The following USP44 variants were observed in gnomAD, a reference collection of about 807,000 sequenced individuals.
The protein encoded by USP44 is ubiquitin carboxyl-terminal hydrolase 44.
In USP44, 61 loss-of-function variants were observed where a neutral mutation model predicts 69.0. The ratio of observed to expected loss-of-function variants is 0.88; its 90% CI spans 0.72 to 1.09. The LOEUF is 1.09. USP44 is among the 50% of genes least tolerant of loss of function. The probability of loss-of-function intolerance (pLI) is 0.00; values close to 1 mark genes in which losing one functional copy is unlikely to be tolerated. For synonymous variants in USP44, 297 were observed against 295.4 expected (o/e 1.01, Z -0.06); for missense variants, 753 against 849.9 (o/e 0.89, Z 1.42).
At chr12:95,530,691 A>ATAGG (rs2076991590) in intron 2 of USP44, among the ~76,000 whole-genome samples, 1 of 150,982 alleles carries the variant, frequency 6.6e-6, no homozygotes, top group African/African-American at 2.4e-5. Flanking sequence ...AGATAGATAG[A>ATAGG]TATAAAAGAA....
At chr12:95,543,966 C>CAAAAAAAAAAAAAAAAAA (rs760105964) in intron 1 of USP44, among the ~76,000 whole-genome samples, 1 of 47,682 alleles carries the variant, frequency 2.1e-5, no homozygotes, top group Non-Finnish European at 3.8e-5. Context: ...GACTGCATCT[C>CAAAAAAAAAAAAAAAAAA]AAAAAAAAAA....
chr12:95,529,326 A>G (rs541733381), intron 2 of USP44, among the ~76,000 whole-genome samples: 2 of 152,214 alleles, frequency 1.3e-5, no homozygotes, highest in South Asian at 2.1e-4. Context: ...ATATATACAT[A>G]TATCTATGTA....
intron 3 of USP44, among the ~76,000 whole-genome samples, chr12:95,525,260 C>CG (rs1486280955): frequency 6.6e-6 from 1 of 151,978 alleles, no homozygotes; most frequent in Non-Finnish European, 1.5e-5. Flanking sequence ...TTAGTAGAGA[C>CG]GGGGTTTCAC....
intron 2 of USP44, among the ~76,000 whole-genome samples, chr12:95,529,900 C>A (rs1170699688): frequency 6.6e-6 from 1 of 152,168 alleles, no homozygotes; most frequent in Non-Finnish European, 1.5e-5. Context: ...TGTCATACTC[C>A]TACTTAAAGC....
intron 4 of USP44, among the ~76,000 whole-genome samples, chr12:95,523,846 G>A (rs1342861023): frequency 1.3e-5 from 2 of 152,000 alleles, no homozygotes; most frequent in Non-Finnish European, 2.9e-5. Context: ...ATTCTGCTGG[G>A]CACGGTGGCT....
chr12:95,539,521 C>T (rs757113568), intron 1 of USP44, among the ~76,000 whole-genome samples: 5 of 152,092 alleles, frequency 3.3e-5, no homozygotes, highest in African/African-American at 4.8e-5. Flanking sequence ...TCACCGCGCC[C>T]GGCCCAATGA....
At chr12:95,530,716 A>G (rs2076992954) in intron 2 of USP44, among the ~76,000 whole-genome samples, 1 of 152,192 alleles carries the variant, frequency 6.6e-6, no homozygotes, top group East Asian at 1.9e-4. Context: ...ACTTTCTGGA[A>G]AGAACTTTGT....
At chr12:95,551,148 A>T (rs1455014765) in intron 1 of USP44, 124 bp downstream of exon 1, 1 of 151,848 alleles carries the variant, frequency 6.6e-6, no homozygotes, top group South Asian at 2.1e-4. Flanking sequence ...CTTCTCCTTA[A>T]ATTTTCCTAT....
chr12:95,518,482 A>G (rs1412487392), intron 5 of USP44, 129 bp from the exon 6 acceptor site: 1 of 925,054 alleles, frequency 1.1e-6, no homozygotes, highest in Non-Finnish European at 1.6e-6. Flanking sequence ...TTAATGAGAA[A>G]TATAGATTGG....
At chr12:95,550,183 G>GA (rs570350053) in intron 1 of USP44, among the ~76,000 whole-genome samples, 3,371 of 93,250 alleles carry the variant, frequency 0.036, 71 homozygotes, top group South Asian at 0.095. Flanking sequence ...CTCCGTCTCA[G>GA]AAAAAAAAAA....
intron 1 of USP44, among the ~76,000 whole-genome samples, chr12:95,547,495 T>C (rs1175237664): frequency 6.6e-6 from 1 of 152,258 alleles, no homozygotes; most frequent in Non-Finnish European, 1.5e-5. Flanking sequence ...TTCAACTGAA[T>C]ATTGAATCTC....
At chr12:95,534,801 G>T (rs1226095404) in intron 1 of USP44, among the ~76,000 whole-genome samples, 1 of 151,540 alleles carries the variant, frequency 6.6e-6, no homozygotes, top group African/African-American at 2.4e-5. Context: ...TCAGCCTCCC[G>T]GGTAGCTGGG....
intron 4 of USP44, among the ~76,000 whole-genome samples, chr12:95,523,125 CAT>C (rs1486498527): frequency 1.3e-5 from 2 of 152,200 alleles, no homozygotes; most frequent in Non-Finnish European, 2.9e-5. Context: ...ATGCCCTACA[CAT>C]GACTTCCATC....
chr12:95,520,933 G>A lies in USP44; in HGVS notation c.1939+64C>T, dbSNP rs7139231. 7.0e-4 allele frequency: 1,020 copies of A among 1,466,086 alleles called. 3 individuals carry two copies. The African/African-American group carries it at 0.012, about 17-fold the overall frequency. The allele number at this position is 1,466,086 out of a possible 1,614,324, so 90.8% of individuals were successfully genotyped here. A position where few individuals can be genotyped will look rare whatever the true frequency, so the allele number is the denominator to read the frequency against. Reference sequence around the variant, plus strand: ...TGATTTAGTAGTCAATTTAGAAATCGGTTAAAGCCTGAACTCCAGCCTCCA... The same window carrying A: ...TGATTTAGTAGTCAATTTAGAAATCAGTTAAAGCCTGAACTCCAGCCTCCA... On this transcript the variant is annotated intron_variant, in intron 5 of 5. Transcript: ENST00000258499.
Position 95,533,798 on chromosome 12 carries a change from C to T in USP44, c.459G>A (p.Arg153=). The part of the protein sequence containing the change: ...EDQLYTALWH[R]RRILMGKIFR... Reference sequence around the variant, plus strand: ...AGATTTTACCCATTAGTATCCTTCTCCTGTGCCAAAGAGCAGTATACAGTT... The same window carrying T: ...AGATTTTACCCATTAGTATCCTTCTTCTGTGCCAAAGAGCAGTATACAGTT... The change falls in exon 2 of 6, where the codon AGG becomes AGA. Residue 153 remains arginine, a synonymous_variant. Transcript: ENST00000258499. The T allele has an allele frequency of 6.2e-7, 1 of 1,614,148 alleles. No individual in the cohort carries two copies. Among genetic ancestry groups the T allele is most frequent in the South Asian group, 1.1e-5 (1 of 91,084 alleles).
intron 1 of USP44, among the ~76,000 whole-genome samples, chr12:95,551,047 T>C (rs548978339): frequency 2.4e-4 from 37 of 152,308 alleles, no homozygotes; most frequent in African/African-American, 7.9e-4. Flanking sequence ...CTTCACTATC[T>C]AGGCCTAAAT....
rs1412473792 is a variant in USP44 at position 95,517,703 on chromosome 12, A to G, written c.*451T>C. 6.4e-6 allele frequency: 1 copy of G among 155,852 alleles called. No homozygotes were observed. Among genetic ancestry groups the G allele is most frequent in the Non-Finnish European group, 1.4e-5 (1 of 70,180 alleles). 9.7% of individuals were successfully genotyped at this position (155,852 alleles called of 1,614,324 possible). A position where few individuals can be genotyped will look rare whatever the true frequency, so the allele number is the denominator to read the frequency against. On this transcript the variant is annotated 3_prime_UTR_variant, in exon 6 of 6. Coordinates refer to ENST00000258499, the MANE Select transcript of USP44 (RefSeq NM_032147.5). ...AAGAATATTTAGGTGATACCTTGAC[A>G]TGTCACTTCAATAACTCCAAGGGGC... is the stretch of plus-strand genomic sequence containing the variant.
At position 95,534,239 on chromosome 12, in the gene USP44, C is replaced by G. The variant is rs544665859; in HGVS notation, c.18G>C (p.Thr6=). The change falls in exon 2 of 6, where the codon ACG becomes ACC. Residue 6 remains threonine (T), a synonymous_variant. Coordinates refer to ENST00000258499, the MANE Select transcript of USP44 (RefSeq NM_032147.5). The part of the protein sequence containing the change: MLAMD[T]CKHVGQLQLA... ...GCTGCAGCTGCCCAACATGTTTGCA[C>G]GTATCCATTGCTAGCATTTATTTAG... is the stretch of plus-strand genomic sequence containing the variant. 6.2e-7 allele frequency: 1 copy of G among 1,610,364 alleles called. No individual in the cohort carries two copies. The highest frequency in any genetic ancestry group is 2.2e-5 in the East Asian group (1 of 44,804).
intron 1 of USP44, among the ~76,000 whole-genome samples, chr12:95,546,213 A>G (rs930109052): frequency 2.7e-4 from 41 of 152,216 alleles, no homozygotes; most frequent in Non-Finnish European, 2.4e-4. Context: ...AATACTGAGC[A>G]TCCTACCAAG....
Sources: allele counts gnomAD v4.1 joint callset (sites outside exome capture counted in the v4.1 genomes callset), GRCh38; gene constraint gnomAD v4.1.1; transcripts MANE v1.5; gene names NCBI Gene and HGNC (gene_info 2026-07-23, HGNC 2026-07-21).